RANBP2: variants seen among roughly 807,000 people sequenced by gnomAD.
The protein encoded by RANBP2 is E3 SUMO-protein ligase RanBP2.
RANBP2 carries 57 observed loss-of-function variants against 303.6 expected under a neutral mutation model. That is an observed-to-expected ratio of 0.19 (90% CI 0.15 to 0.23). The LOEUF (loss-of-function observed/expected upper bound fraction) is 0.23. Among genes scored for constraint, RANBP2 ranks in the 10% least tolerant of loss-of-function variants. The pLI is 1.00. For synonymous variants in RANBP2, 1,167 were observed against 1,301.5 expected, an observed-to-expected ratio of 0.90 and a Z score of 2.23; for missense variants, 3,138 against 3,780.8, an observed-to-expected ratio of 0.83 and a Z score of 4.46.
the RANBP2 span, among the ~76,000 whole-genome samples, chr2:108,962,501 G>C: frequency 6.6e-6 from 1 of 151,760 alleles, no homozygotes; most frequent in Non-Finnish European, 1.5e-5. Flanking sequence ...GTGAAACCCT[G>C]TCTCTACTAA....
the RANBP2 span, among the ~76,000 whole-genome samples, chr2:109,319,580 T>G: frequency 8.4e-3 from 1,273 of 152,356 alleles, 14 homozygotes; most frequent in East Asian, 0.044. Flanking sequence ...CCAGTGGGGC[T>G]CGTTCCAGAA....
the RANBP2 span, among the ~76,000 whole-genome samples, chr2:108,965,132 G>A: frequency 6.6e-6 from 1 of 151,634 alleles, no homozygotes; most frequent in Admixed American, 6.6e-5. Flanking sequence ...TGTGTGAAGG[G>A]TACTGGTATT....
At chr2:109,643,006 C>T in the RANBP2 span, among the ~76,000 whole-genome samples, 2 of 152,008 alleles carry the variant, frequency 1.3e-5, no homozygotes, top group Admixed American at 1.3e-4. Context: ...GAGACCCTGT[C>T]TCTACTAAAA....
chr2:108,883,325 A>G, the RANBP2 span: 2 of 152,234 alleles, frequency 1.3e-5, no homozygotes, highest in African/African-American at 4.8e-5. Context: ...TAAGATGAAG[A>G]TGGGACCAGT....
the RANBP2 span, chr2:108,894,540 A>ATATT: frequency 6.6e-6 from 1 of 152,632 alleles, no homozygotes; most frequent in Non-Finnish European, 1.5e-5. Context: ...GACAAAAATA[A>ATATT]TATTGACAAT....
chr2:108,904,649 T>C, the RANBP2 span, among the ~76,000 whole-genome samples: 1 of 152,230 alleles, frequency 6.6e-6, no homozygotes, highest in Admixed American at 6.5e-5. Context: ...GAATGGACTA[T>C]TGATACATGC....
chr2:109,314,672 A>C, the RANBP2 span, among the ~76,000 whole-genome samples: 3 of 152,250 alleles, frequency 2.0e-5, no homozygotes, highest in Non-Finnish European at 4.4e-5. Context: ...CTTTACATGC[A>C]TAAGGCAAAC....
At chr2:109,763,639 A>G in the RANBP2 span, among the ~76,000 whole-genome samples, 1 of 150,278 alleles carries the variant, frequency 6.7e-6, no homozygotes, top group African/African-American at 2.4e-5. Context: ...AGGAAAGTAT[A>G]CCTGTTAATT....
the RANBP2 span, chr2:109,127,254 C>T: frequency 6.6e-6 from 1 of 152,114 alleles, no homozygotes; most frequent in Non-Finnish European, 1.5e-5. Context: ...ATACTAAGAT[C>T]TGCCTTCAAA....
chr2:108,943,984 A>G, the RANBP2 span, among the ~76,000 whole-genome samples: 1 of 152,232 alleles, frequency 6.6e-6, no homozygotes, highest in South Asian at 2.1e-4. Flanking sequence ...AGGTGAATGC[A>G]TGTGGAAGTG....
chr2:108,789,119 G>T (rs539701071), downstream of RANBP2, among the ~76,000 whole-genome samples: 1 of 152,300 alleles, frequency 6.6e-6, no homozygotes. Flanking sequence ...GTTGAAGCGA[G>T]TCACTTATTA....
the RANBP2 span, among the ~76,000 whole-genome samples, chr2:109,284,128 C>T: frequency 2.6e-5 from 4 of 152,338 alleles, no homozygotes; most frequent in East Asian, 7.7e-4. Flanking sequence ...GAACACATCC[C>T]TCAGGTACTC....
At chr2:109,094,770 C>T in the RANBP2 span, among the ~76,000 whole-genome samples, 32,144 of 151,938 alleles carry the variant, frequency 0.21, 4,619 homozygotes, top group East Asian at 0.64. Context: ...GTGGAGGTTG[C>T]GGTGAGCCGA....
chr2:109,580,180 G>T, the RANBP2 span, among the ~76,000 whole-genome samples: 6 of 144,622 alleles, frequency 4.1e-5, no homozygotes, highest in East Asian at 1.2e-3. Context: ...GAACACAGAT[G>T]CAAAAAAAAA....
At chr2:108,790,719 C>G (rs778495915), downstream of RANBP2, among the ~76,000 whole-genome samples, 20 of 152,070 alleles carry the variant, frequency 1.3e-4, no homozygotes, top group Non-Finnish European at 2.2e-4. Context: ...AATAAATAGG[C>G]ATGGATAAAA....
At chr2:109,386,119 A>G in the RANBP2 span, among the ~76,000 whole-genome samples, 1 of 152,256 alleles carries the variant, frequency 6.6e-6, no homozygotes, top group Non-Finnish European at 1.5e-5. Context: ...AGGAACGTGC[A>G]TAGACCTTGA....
chr2:108,873,300 GA>G, the RANBP2 span: 2 of 38,750 alleles, frequency 5.2e-5, 1 homozygote, highest in Non-Finnish European at 1.7e-4. Flanking sequence ...TTTTTCAAAT[GA>G]TGATATTTTC....
chr2:109,262,834 T>C, the RANBP2 span, among the ~76,000 whole-genome samples: 1 of 152,284 alleles, frequency 6.6e-6, no homozygotes, highest in South Asian at 2.1e-4. Context: ...ACTTTCTTTT[T>C]TCTTTTTTAT....
the RANBP2 span, among the ~76,000 whole-genome samples, chr2:109,364,331 T>C: frequency 6.6e-6 from 1 of 152,188 alleles, no homozygotes; most frequent in Non-Finnish European, 1.5e-5. Context: ...ACATTTCTTT[T>C]CTGGCTCTTT....
Sources: gnomAD v4.1 joint callset for allele counts (sites outside exome capture counted in the v4.1 genomes callset) on GRCh38, gnomAD v4.1.1 for gene constraint, MANE v1.5 for transcripts, NCBI Gene and HGNC (gene_info 2026-07-23, HGNC 2026-07-21) for gene names.